Variants in SMU1 observed in about 807,000 individuals in gnomAD.
SMU1 encodes the protein SMU1 DNA replication regulator and spliceosomal factor.
A neutral mutation model predicts 62.0 loss-of-function variants in SMU1; 2 were observed. That is an observed-to-expected ratio of 0.03 (90% confidence interval 0.01 to 0.10). The LOEUF (loss-of-function observed/expected upper bound fraction) is 0.10. Ranked by LOEUF, SMU1 falls within the 10% of genes least tolerant of loss-of-function variation. SMU1 has a pLI of 1.00. For synonymous variants in SMU1, 188 were observed against 212.4 expected, an observed-to-expected ratio of 0.89 and a Z score of 1.00; for missense variants, 227 against 622.1, an observed-to-expected ratio of 0.36 and a Z score of 6.76.
At chr9:33,075,157 A>G (rs1405628221) in intron 1 of SMU1, among the ~76,000 whole-genome samples, 5 of 152,186 alleles carry the variant, frequency 3.3e-5, no homozygotes, top group Admixed American at 2.6e-4. Flanking sequence ...CGGGCAGATC[A>G]CAAGGTCAGG....
chr9:33,067,567 C>T (rs370231986), intron 4 of SMU1, among the ~76,000 whole-genome samples: 19 of 148,348 alleles, frequency 1.3e-4, no homozygotes, highest in African/African-American at 4.5e-4. Flanking sequence ...GGCTCAATCT[C>T]GGCTCACTGC....
At chr9:33,064,349 T>G (rs765881556) in intron 4 of SMU1, among the ~76,000 whole-genome samples, 2 of 152,232 alleles carry the variant, frequency 1.3e-5, no homozygotes, top group Non-Finnish European at 2.9e-5. Context: ...TTGGGAAGAC[T>G]ATCAGGTTTG....
chr9:33,064,116 T>A (rs1839393358), intron 4 of SMU1, among the ~76,000 whole-genome samples: 2 of 152,172 alleles, frequency 1.3e-5, no homozygotes, highest in Admixed American at 1.3e-4. Flanking sequence ...CTTTTTTTTT[T>A]TAAAGAGAGG....
Position 33,073,692 on chromosome 9 carries a change from A to G in SMU1, c.141T>C (p.Phe47=), listed in dbSNP as rs1839511991. Residue 47 remains phenylalanine (F), a synonymous_variant, in exon 2 of 12, where the codon TTT becomes TTC. Coordinates refer to ENST00000397149, the MANE Select transcript of SMU1 (RefSeq NM_018225.3). ...SLNTVDSIES[F]VADINSGHWD... ...AATGGCCACTGTTAATGTCAGCCAC[A>G]AAACTCTCAATGCTGTCCACAGTAT... is the stretch of plus-strand genomic sequence containing the variant. 2 of 1,614,042 alleles carry G rather than the reference A, an allele frequency of 1.2e-6. No homozygotes were observed. Among genetic ancestry groups the G allele is most frequent in the Non-Finnish European group, 1.7e-6 (2 of 1,179,968 alleles).
chr9:33,073,527 C>A, intron 2 of SMU1, 69 bp downstream of exon 2: 1 of 1,122,974 alleles, frequency 8.9e-7, no homozygotes, highest in Non-Finnish European at 1.3e-6. Flanking sequence ...TGCTCACTGA[C>A]GCTTTTTAGT....
rs1839310326 is a variant in SMU1 at position 33,056,954 on chromosome 9, A to C, written c.878T>G (p.Ile293Ser). The change falls in exon 8 of 12, where the codon ATT (isoleucine) becomes AGT (serine). Residue 293 changes from isoleucine to serine, a missense_variant. Around this residue, in one of 5 missense-constraint regions of SMU1, gnomAD observed 98 missense variants for 195.9 expected, o/e 0.50. Transcript: ENST00000397149. ...TCTCCTTAAACATTGTCCACTCTGA[A>C]TCTTCCACACCTTTATTTGAAAAAA... ...AQDGKIKVWKIQSGQCLRRFE... is the reference protein window; with the variant it reads ...AQDGKIKVWKSQSGQCLRRFE... 1 of 1,612,128 alleles carries C rather than the reference A, an allele frequency of 6.2e-7. No homozygotes were observed. Among genetic ancestry groups the C allele is most frequent in the Non-Finnish European group, 8.5e-7 (1 of 1,179,412 alleles).
chr9:33,055,446 A>G (rs910871598), intron 9 of SMU1, among the ~76,000 whole-genome samples: 2 of 152,086 alleles, frequency 1.3e-5, no homozygotes, highest in Admixed American at 6.6e-5. Flanking sequence ...ACTCACTCAT[A>G]TAAGACAATT....
rs1348402185 is a variant in SMU1, at chr9:33,056,951, T to A, written c.881A>T (p.Gln294Leu). ...QDGKIKVWKI[Q>L]SGQCLRRFER... The stretch of plus-strand genomic sequence containing the variant: ...AAATCTCCTTAAACATTGTCCACTC[T>A]GAATCTTCCACACCTTTATTTGAAA... The change falls in exon 8 of 12, where the codon CAG becomes CTG. Residue 294 changes from glutamine (Q) to leucine (L), a missense_variant. Transcript: ENST00000397149. 2.5e-6 allele frequency: 4 copies of A among 1,612,152 alleles called. No individual in the cohort carries two copies. The highest frequency in any genetic ancestry group is 3.4e-6 in the Non-Finnish European group (4 of 1,179,380).
chr9:33,072,728 C>T (rs1839500349), intron 2 of SMU1, among the ~76,000 whole-genome samples: 1 of 150,728 alleles, frequency 6.6e-6, no homozygotes. Context: ...ACTCGGGAGG[C>T]TGAGGCAGGA....
chr9:33,065,153 G>T (rs935060686), intron 4 of SMU1, among the ~76,000 whole-genome samples: 2 of 152,098 alleles, frequency 1.3e-5, no homozygotes, highest in Non-Finnish European at 2.9e-5. Flanking sequence ...CTAGGTTAAG[G>T]TCCAGATTCA....
Position 33,072,972 on chromosome 9 carries a change from T to C in SMU1, c.237+624A>G, listed in dbSNP as rs762556056. 5.9e-5 allele frequency among the ~76,000 whole-genome samples: 9 copies of C among 152,324 alleles called. No homozygotes were observed. The South Asian group carries it at 1.9e-3, about 32-fold the overall frequency. ...TTGTCTGATCTTTGTCCTAGGTTCT[T>C]GGCTTGGAGCTTCTTGGAATTTGAC... On this transcript the variant is annotated intron_variant, in intron 2 of 11. Coordinates refer to ENST00000397149, the MANE Select transcript of SMU1 (RefSeq NM_018225.3).
chr9:33,054,163 CCGCTT>C (rs1280513990), intron 9 of SMU1, among the ~76,000 whole-genome samples: 6 of 151,728 alleles, frequency 4.0e-5, no homozygotes, highest in Non-Finnish European at 5.9e-5. Flanking sequence ...AAAACAAAAA[CCGCTT>C]TTCTTTTCTT....
At chr9:33,076,458 T>C in intron 1 of SMU1, 125 bp downstream of exon 1, 2 of 1,181,434 alleles carry the variant, frequency 1.7e-6, no homozygotes, top group South Asian at 1.3e-5. Flanking sequence ...GATGCTTCTT[T>C]GGGGGCAAGG....
chr9:33,043,205 T>C lies in SMU1; in HGVS notation c.*4088A>G, dbSNP rs1839144822. ...ACATACACTTCATAGCAATTTCTTC[T>C]CTTAAAATAGTGGAAAATGAAGCTG... On this transcript the variant is annotated 3_prime_UTR_variant, in exon 12 of 12. Transcript: ENST00000397149. The C allele has an allele frequency of 6.6e-6, 1 of 152,158 alleles. No individual in the cohort carries two copies. 9.4% of individuals were successfully genotyped at this position (152,158 alleles called of 1,614,324 possible).
intron 9 of SMU1, among the ~76,000 whole-genome samples, chr9:33,055,162 A>G (rs578080810): frequency 3.4e-4 from 44 of 130,950 alleles, no homozygotes; most frequent in African/African-American, 1.1e-3. Context: ...ACATATATAC[A>G]TATATATATA....
At chr9:33,051,948 C>T (rs547794033) in intron 10 of SMU1, among the ~76,000 whole-genome samples, 1 of 147,436 alleles carries the variant, frequency 6.8e-6, no homozygotes, top group South Asian at 2.2e-4. Flanking sequence ...ACCCGGCAGG[C>T]GGAGGTTACA....
chr9:33,058,625 C>A (rs766181866), intron 6 of SMU1, among the ~76,000 whole-genome samples: 6 of 152,100 alleles, frequency 3.9e-5, no homozygotes, highest in Non-Finnish European at 8.8e-5. Flanking sequence ...TAAAAAATTA[C>A]ATTTTAAATC....
At chr9:33,063,234 T>C (rs893256720) in intron 4 of SMU1, among the ~76,000 whole-genome samples, 2 of 152,106 alleles carry the variant, frequency 1.3e-5, no homozygotes, top group African/African-American at 4.8e-5. Context: ...TGGTGGTGCA[T>C]GCCTGTAATC....
intron 3 of SMU1, among the ~76,000 whole-genome samples, chr9:33,070,525 C>T (rs1479344040): frequency 1.3e-5 from 2 of 152,214 alleles, no homozygotes; most frequent in Non-Finnish European, 2.9e-5. Context: ...AGCAATCCCA[C>T]TGCTAGGTAC....
Sources: allele counts gnomAD v4.1 joint callset (sites outside exome capture counted in the v4.1 genomes callset), GRCh38; gene constraint gnomAD v4.1.1; regional missense constraint gnomAD v4.1.1; transcripts MANE v1.5; gene names NCBI Gene and HGNC (gene_info 2026-07-23, HGNC 2026-07-21).